MELK: variants seen among roughly 807,000 people sequenced by gnomAD.
MELK encodes pEg3 kinase.
In MELK, 81 loss-of-function variants were observed where a neutral mutation model predicts 85.0. The ratio of observed to expected loss-of-function variants is 0.95; its 90% CI spans 0.80 to 1.15. MELK has a LOEUF of 1.15. Ranked by LOEUF, MELK falls within the 50% of genes most tolerant of loss-of-function variation. The pLI is 0.00. For missense variants in MELK, 754 were observed against 777.5 expected (o/e 0.97, Z 0.36); for synonymous variants, 252 against 265.0 (o/e 0.95, Z 0.48).
intron 11 of MELK, among the ~76,000 whole-genome samples, chr9:36,645,019 A>C (rs1284169026): frequency 6.6e-6 from 1 of 152,142 alleles, no homozygotes; most frequent in African/African-American, 2.4e-5. Flanking sequence ...CTGTAATGTC[A>C]GCACTTTGGG....
intron 7 of MELK, among the ~76,000 whole-genome samples, chr9:36,606,384 TATA>T (rs1271858527): frequency 1.8e-4 from 22 of 123,280 alleles, no homozygotes; most frequent in East Asian, 8.4e-4. Flanking sequence ...TAGGTGTGTA[TATA>T]ATATATACAT....
intron 16 of MELK, among the ~76,000 whole-genome samples, 170 bp from the exon 17 acceptor site, chr9:36,674,664 T>A (rs1564238844): frequency 6.6e-6 from 1 of 152,228 alleles, no homozygotes; most frequent in African/African-American, 2.4e-5. Context: ...GCTCTCCCAG[T>A]GGGCCATTAA....
At chr9:36,640,437 T>C (rs1286857754) in intron 10 of MELK, among the ~76,000 whole-genome samples, 3 of 149,004 alleles carry the variant, frequency 2.0e-5, no homozygotes, top group Non-Finnish European at 2.9e-5. Flanking sequence ...TTCTTTCTTT[T>C]CTTTTCTGTT....
At chr9:36,623,265 C>T (rs549504074) in intron 8 of MELK, among the ~76,000 whole-genome samples, 1 of 152,322 alleles carries the variant, frequency 6.6e-6, no homozygotes, top group Non-Finnish European at 1.5e-5. Context: ...AGTACTTAAT[C>T]TCCCTGGCTG....
At chr9:36,580,255 C>G (rs761517957) in intron 1 of MELK, among the ~76,000 whole-genome samples, 1 of 151,964 alleles carries the variant, frequency 6.6e-6, no homozygotes, top group African/African-American at 2.4e-5. Flanking sequence ...GTCTCCATTT[C>G]CTGACCTTGT....
At chr9:36,631,757 C>T (rs996383978) in intron 9 of MELK, among the ~76,000 whole-genome samples, 1 of 151,720 alleles carries the variant, frequency 6.6e-6, no homozygotes, top group African/African-American at 2.4e-5. Context: ...TGTGTTCTTT[C>T]TTTAGTTTTC....
intron 3 of MELK, among the ~76,000 whole-genome samples, chr9:36,584,719 CTTTT>C (rs869168768): frequency 1.5e-5 from 2 of 129,756 alleles, no homozygotes; most frequent in Admixed American, 1.6e-4. Flanking sequence ...TATGTCCTAG[CTTTT>C]TTTTTTTTTT....
At chr9:36,627,715 C>T (rs189996443) in intron 8 of MELK, among the ~76,000 whole-genome samples, 18 of 151,682 alleles carry the variant, frequency 1.2e-4, no homozygotes, top group Admixed American at 4.6e-4. Flanking sequence ...TTAGTAGAGA[C>T]GGGGTTTCTC....
chr9:36,658,277 T>G (rs1317327274), intron 13 of MELK, among the ~76,000 whole-genome samples: 1 of 152,180 alleles, frequency 6.6e-6, no homozygotes, highest in Non-Finnish European at 1.5e-5. Context: ...CCATGTATAT[T>G]GGCACACTTG....
At position 36,677,362 on chromosome 9, in the gene MELK, G is replaced by T; in HGVS notation, c.*25G>T. On this transcript the variant is annotated 3_prime_UTR_variant, in exon 18 of 18. Coordinates refer to ENST00000298048, the MANE Select transcript of MELK (RefSeq NM_014791.4). ...ATTGATGGATTCTTCCATCCTGCCG[G>T]ATGAGTGTGGGTGTGATACAGCCTA... is the stretch of plus-strand genomic sequence containing the variant. 1 of 1,595,430 alleles carries T rather than the reference G, an allele frequency of 6.3e-7. No homozygotes were observed. Among genetic ancestry groups the T allele is most frequent in the Non-Finnish European group, 8.6e-7 (1 of 1,168,744 alleles).
chr9:36,631,980 A>T (rs1189407703), intron 9 of MELK, among the ~76,000 whole-genome samples: 1 of 152,188 alleles, frequency 6.6e-6, no homozygotes, highest in Non-Finnish European at 1.5e-5. Flanking sequence ...ACTCTTGCTC[A>T]TTAAGTATGT....
chr9:36,654,349 C>CTTT (rs34436735), intron 12 of MELK, among the ~76,000 whole-genome samples: 2,116 of 83,952 alleles, frequency 0.025, 26 homozygotes, highest in Non-Finnish European at 0.031. Context: ...ATTGGATTGT[C>CTTT]TTTTTTTTTT....
intron 17 of MELK, among the ~76,000 whole-genome samples, chr9:36,675,419 A>G (rs186607314): frequency 1.7e-4 from 26 of 152,356 alleles, no homozygotes; most frequent in Admixed American, 1.2e-3. Flanking sequence ...GGTTCAAGCT[A>G]TAAAAGTTTT....
intron 1 of MELK, among the ~76,000 whole-genome samples, chr9:36,578,679 T>C (rs1294854046): frequency 6.6e-6 from 1 of 152,182 alleles, no homozygotes; most frequent in East Asian, 1.9e-4. Flanking sequence ...TCAGATTCTA[T>C]TGAAACCATT....
At chr9:36,622,745 T>G (rs968096720) in intron 8 of MELK, among the ~76,000 whole-genome samples, 1 of 152,226 alleles carries the variant, frequency 6.6e-6, no homozygotes, top group African/African-American at 2.4e-5. Context: ...TGAAATTATA[T>G]TTTTACAATT....
chr9:36,638,106 T>C (rs116263793), intron 10 of MELK, among the ~76,000 whole-genome samples: 2,975 of 152,196 alleles, frequency 0.02, 93 homozygotes, highest in South Asian at 0.067. Flanking sequence ...GCTTTGCACA[T>C]CTTCTCAGCC....
chr9:36,662,113 C>G (rs1336028455), intron 13 of MELK, among the ~76,000 whole-genome samples: 1 of 150,690 alleles, frequency 6.6e-6, no homozygotes, highest in African/African-American at 2.4e-5. Context: ...TCTGTATTTC[C>G]CCCTTATTTC....
At position 36,638,879 on chromosome 9, in the gene MELK, C is replaced by T. The variant is rs186015539; in HGVS notation, c.835-4118C>T. On this transcript the variant is annotated intron_variant, in intron 10 of 17. Coordinates refer to ENST00000298048, the MANE Select transcript of MELK (RefSeq NM_014791.4). ...AAGTAACTTGCCCATGGTCAAACAA[C>T]GAGTAAGTGTAGAACCAGGATTTAA... Among the ~76,000 whole-genome samples the T allele has an allele frequency of 2.9e-4, 44 of 152,240 alleles. No individual in the cohort carries two copies. The East Asian group carries it at 6.6e-3, about 23-fold the overall frequency.
At chr9:36,578,994 C>CACAAG (rs148430339) in intron 1 of MELK, among the ~76,000 whole-genome samples, 5,703 of 150,666 alleles carry the variant, frequency 0.038, 302 homozygotes, top group African/African-American at 0.11. Context: ...AGGCGCACAC[C>CACAAG]ACAAGGCCTG....
Sources: gnomAD v4.1 joint callset for allele counts (sites outside exome capture counted in the v4.1 genomes callset) on GRCh38, gnomAD v4.1.1 for gene constraint, MANE v1.5 for transcripts, NCBI Gene and HGNC (gene_info 2026-07-23, HGNC 2026-07-21) for gene names.